The following CLYBL variants were observed in gnomAD, a reference collection of about 807,000 sequenced individuals.
The protein encoded by CLYBL is citramalyl-CoA lyase.
A neutral mutation model predicts 38.9 loss-of-function variants in CLYBL; 31 were observed. The ratio of observed to expected loss-of-function variants is 0.80; its 90% CI spans 0.60 to 1.08. The LOEUF is 1.08. CLYBL is among the 50% of genes least tolerant of loss of function. CLYBL has a pLI of 0.00. For synonymous variants in CLYBL, 171 were observed against 158.6 expected, an observed-to-expected ratio of 1.08 and a Z score of -0.59; for missense variants, 434 against 411.6, an observed-to-expected ratio of 1.05 and a Z score of -0.47.
At chr13:99,755,203 G>T (rs2049041101) in intron 1 of CLYBL, among the ~76,000 whole-genome samples, 1 of 152,136 alleles carries the variant, frequency 6.6e-6, no homozygotes, top group South Asian at 2.1e-4. Context: ...GGCCCTAGAT[G>T]ATCTCTTTTA....
At chr13:99,698,212 T>C (rs1268703971) in intron 1 of CLYBL, among the ~76,000 whole-genome samples, 5 of 152,022 alleles carry the variant, frequency 3.3e-5, no homozygotes, top group Admixed American at 2.6e-4. Flanking sequence ...TGAGGTGCCG[T>C]CTTATTCTGT....
intron 2 of CLYBL, among the ~76,000 whole-genome samples, chr13:99,824,897 T>C (rs2050664437): frequency 6.6e-6 from 1 of 152,182 alleles, no homozygotes; most frequent in South Asian, 2.1e-4. Flanking sequence ...TGTTAGGATG[T>C]CAGTTTTTCA....
Position 99,865,262 on chromosome 13 carries a change from C to T in CLYBL, c.634+351C>T. Reference sequence around the variant, plus strand: ...CACCGTTGCTTCAGTATTTTGTTTTCATATCAGTCTGTGGGCTGTCTAGAT... The same window carrying T: ...CACCGTTGCTTCAGTATTTTGTTTTTATATCAGTCTGTGGGCTGTCTAGAT... On this transcript the variant is annotated intron_variant, in intron 5 of 8. Coordinates refer to ENST00000339105, the MANE Select transcript of CLYBL (RefSeq NM_206808.5). The surrounding 1 kb of genome is among the most constrained non-coding windows in gnomAD (Gnocchi z 4.7). The T allele has an allele frequency of 3.0e-6, 1 of 334,552 alleles. No individual in the cohort carries two copies. The allele number at this position is 334,552 out of a possible 1,614,324, so 20.7% of individuals were successfully genotyped here. A position where few individuals can be genotyped will look rare whatever the true frequency, so the allele number is the denominator to read the frequency against.
intron 2 of CLYBL, among the ~76,000 whole-genome samples, chr13:99,828,465 T>C (rs1310058020): frequency 6.6e-6 from 1 of 152,216 alleles, no homozygotes; most frequent in Non-Finnish European, 1.5e-5. Flanking sequence ...GGGAATTATT[T>C]TTAAGCACTC....
At chr13:99,664,267 A>G (rs1329452000) in intron 1 of CLYBL, among the ~76,000 whole-genome samples, 1 of 152,232 alleles carries the variant, frequency 6.6e-6, no homozygotes, top group Middle Eastern at 3.2e-3. Context: ...AGGTTACAAA[A>G]AAAGTTCTGA....
chr13:99,618,722 C>A (rs9585149), intron 1 of CLYBL, among the ~76,000 whole-genome samples: 10 of 152,316 alleles, frequency 6.6e-5, no homozygotes, highest in African/African-American at 2.4e-4. Flanking sequence ...CCCTTCCCCC[C>A]ACCCAGCCCC....
At chr13:99,623,454 C>T (rs1435540308) in intron 1 of CLYBL, among the ~76,000 whole-genome samples, 5 of 152,214 alleles carry the variant, frequency 3.3e-5, no homozygotes, top group Non-Finnish European at 7.3e-5. Context: ...TCTTCTCCCT[C>T]CTACCTCTTT....
chr13:99,812,157 G>A (rs2050355023), intron 2 of CLYBL, among the ~76,000 whole-genome samples: 1 of 152,174 alleles, frequency 6.6e-6, no homozygotes, highest in Non-Finnish European at 1.5e-5. Flanking sequence ...GGGGAGGGGA[G>A]ATATTAAATA....
intron 1 of CLYBL, among the ~76,000 whole-genome samples, chr13:99,668,541 A>G (rs948486740): frequency 1.3e-4 from 19 of 148,966 alleles, no homozygotes; most frequent in African/African-American, 3.7e-4. Flanking sequence ...AGCTGAGATT[A>G]TGCCACTGCA....
At chr13:99,654,922 T>A (rs1341914103) in intron 1 of CLYBL, among the ~76,000 whole-genome samples, 1 of 151,968 alleles carries the variant, frequency 6.6e-6, no homozygotes, top group African/African-American at 2.4e-5. Context: ...GGAGAATTGC[T>A]TGAACCCGGG....
intron 1 of CLYBL, among the ~76,000 whole-genome samples, chr13:99,755,985 T>C (rs1447216419): frequency 1.3e-5 from 2 of 152,318 alleles, no homozygotes; most frequent in East Asian, 3.9e-4. Flanking sequence ...GTTCAGACCC[T>C]TAAGCTGCTG....
At chr13:99,864,611 C>T (rs1192579804) in intron 4 of CLYBL, among the ~76,000 whole-genome samples, 1 of 152,106 alleles carries the variant, frequency 6.6e-6, no homozygotes, top group East Asian at 1.9e-4. Context: ...TCATATAATC[C>T]ATTAAACAAA....
Position 99,751,809 on chromosome 13 carries a change from G to A in CLYBL, c.63-21015G>A, listed in dbSNP as rs562652616. ...TGTACACTTGACAGTGGTTCAGATG[G>A]TAAATTTTGCATTATACATATTTTA... On this transcript the variant is annotated intron_variant, in intron 1 of 8. Transcript: ENST00000339105. Among the ~76,000 whole-genome samples the A allele has an allele frequency of 3.5e-4, 54 of 152,252 alleles. 1 individual carries two copies. The highest frequency in any genetic ancestry group is 1.3e-3 in the African/African-American group (54 of 41,560).
intron 1 of CLYBL, among the ~76,000 whole-genome samples, chr13:99,624,906 G>T (rs747863687): frequency 7.9e-5 from 12 of 152,136 alleles, no homozygotes; most frequent in African/African-American, 2.7e-4. Context: ...AATAACATTC[G>T]CTTTTATCTT....
At chr13:99,775,841 G>A (rs1253725097) in intron 2 of CLYBL, among the ~76,000 whole-genome samples, 3 of 151,900 alleles carry the variant, frequency 2.0e-5, no homozygotes, top group Non-Finnish European at 4.4e-5. Context: ...GAAACTTCTG[G>A]AAAGCCAAGC....
intron 5 of CLYBL, 105 bp from the exon 6 acceptor site, chr13:99,866,135 T>C: frequency 8.7e-7 from 1 of 1,143,994 alleles, no homozygotes; most frequent in South Asian, 1.4e-5. Flanking sequence ...AGGAGCAATT[T>C]CCAGGGAGGT....
intron 1 of CLYBL, among the ~76,000 whole-genome samples, chr13:99,684,557 G>A (rs1015981769): frequency 5.9e-5 from 9 of 152,130 alleles, no homozygotes; most frequent in Admixed American, 6.5e-5. Flanking sequence ...CTAAGACAGG[G>A]TTCTTAGGCT....
intron 1 of CLYBL, among the ~76,000 whole-genome samples, chr13:99,676,218 TTCCTTCCTTCCTTCCTTC>T: frequency 1.1e-5 from 1 of 93,576 alleles, no homozygotes; most frequent in East Asian, 5.9e-4. Context: ...CCTTCCTTCC[TTCCTTCCTTCCTTCCTTC>T]CTTTCCTCCC....
intron 1 of CLYBL, among the ~76,000 whole-genome samples, chr13:99,711,334 G>A (rs1274905573): frequency 6.6e-6 from 1 of 151,306 alleles, no homozygotes; most frequent in African/African-American, 2.4e-5. Flanking sequence ...AAGCACCTGC[G>A]CCTCCCGGTC....
Sources: allele counts gnomAD v4.1 joint callset (sites outside exome capture counted in the v4.1 genomes callset), GRCh38; gene constraint gnomAD v4.1.1; non-coding constraint Gnocchi (gnomAD v3.1); transcripts MANE v1.5; gene names NCBI Gene and HGNC (gene_info 2026-07-23, HGNC 2026-07-21).